Variants in TMC2 observed in about 807,000 individuals in gnomAD.
TMC2 encodes the protein transmembrane channel-like protein 2.
A neutral mutation model predicts 105.9 loss-of-function variants in TMC2; 102 were observed. The ratio of observed to expected loss-of-function variants is 0.96; its 90% CI spans 0.82 to 1.14. The LOEUF (loss-of-function observed/expected upper bound fraction) is 1.14. TMC2 is among the 50% of genes most tolerant of loss of function. The pLI is 0.00. For synonymous variants in TMC2, 402 were observed against 422.8 expected (o/e 0.95, Z 0.60); for missense variants, 1,093 against 1,134.3 (o/e 0.96, Z 0.52).
chr20:2,580,739 T>C (rs2422795), intron 7 of TMC2, among the ~76,000 whole-genome samples: 21,763 of 152,128 alleles, frequency 0.14, 2,127 homozygotes, highest in African/African-American at 0.27. Context: ...TAACCCACCA[T>C]ACCTGGCCCC....
intron 9 of TMC2, 148 bp from the exon 10 acceptor site, chr20:2,597,003 C>A: frequency 1.3e-6 from 1 of 798,896 alleles, no homozygotes; most frequent in Non-Finnish European, 1.9e-6. Context: ...GCTGTCTTGG[C>A]TCAAGTCCCT....
At chr20:2,539,738 C>A (rs180936942) in intron 2 of TMC2, among the ~76,000 whole-genome samples, 1 of 152,272 alleles carries the variant, frequency 6.6e-6, no homozygotes, top group African/African-American at 2.4e-5. Flanking sequence ...CAGAGCATTG[C>A]GCTGGAGCAT....
intron 10 of TMC2, among the ~76,000 whole-genome samples, chr20:2,600,986 G>GAAAAAAAAAAAAAAAAAA (rs55710696): frequency 1.1e-5 from 1 of 90,560 alleles, no homozygotes; most frequent in African/African-American, 4.3e-5. Context: ...GACTGTCTCA[G>GAAAAAAAAAAAAAAAAAA]AAAAAAAAAA....
intron 19 of TMC2, among the ~76,000 whole-genome samples, chr20:2,638,054 A>C (rs2086661171): frequency 6.6e-6 from 1 of 152,164 alleles, no homozygotes; most frequent in Non-Finnish European, 1.5e-5. Flanking sequence ...GTTATATAAA[A>C]GTCTAGGCCG....
chr20:2,624,198 G>A (rs2086547555), intron 16 of TMC2, 73 bp from the exon 17 acceptor site: 3 of 1,515,504 alleles, frequency 2.0e-6, no homozygotes, highest in Non-Finnish European at 2.7e-6. Flanking sequence ...CCTGGGTAGG[G>A]GGGCCATGGA....
chr20:2,596,911 GC>G (rs2086312153), intron 9 of TMC2, among the ~76,000 whole-genome samples: 1 of 152,028 alleles, frequency 6.6e-6, no homozygotes, highest in African/African-American at 2.4e-5. Flanking sequence ...TCTCCTGCAG[GC>G]TTTTTATTAC....
chr20:2,588,745 C>T (rs1234379742), intron 7 of TMC2, among the ~76,000 whole-genome samples: 2 of 136,612 alleles, frequency 1.5e-5, no homozygotes, highest in Non-Finnish European at 3.1e-5. Flanking sequence ...AGCCTTGTCT[C>T]TGTATTTCCA....
At chr20:2,548,922 T>C (rs73087311) in intron 2 of TMC2, among the ~76,000 whole-genome samples, 13,408 of 152,216 alleles carry the variant, frequency 0.088, 815 homozygotes, top group Middle Eastern at 0.18. Flanking sequence ...CATACTCAAG[T>C]AGAATAAAAA....
At chr20:2,584,342 G>T (rs1395652167) in intron 7 of TMC2, among the ~76,000 whole-genome samples, 1 of 142,810 alleles carries the variant, frequency 7.0e-6, no homozygotes. Context: ...TACTTGGGAG[G>T]CTGAGGCAGG....
Position 2,579,949 on chromosome 20 carries a change from G to A in TMC2, c.728-1G>A, listed in dbSNP as rs6050309. On this transcript the variant is annotated splice_acceptor_variant, in intron 6 of 19. Coordinates refer to ENST00000358864, the MANE Select transcript of TMC2 (RefSeq NM_080751.3). LOFTEE classifies it high-confidence loss of function. ...ATACCCACCGTCTTTTCTCTCTCTA[G>A]GTCACTTTGGTTCTTCAGTGGCATC... 1 of 1,610,410 alleles carries A rather than the reference G, an allele frequency of 6.2e-7. No individual in the cohort carries two copies. Among genetic ancestry groups the A allele is most frequent in the Non-Finnish European group, 8.5e-7 (1 of 1,176,834 alleles).
At chr20:2,580,591 G>GT (rs2086182306) in intron 7 of TMC2, among the ~76,000 whole-genome samples, 4 of 151,704 alleles carry the variant, frequency 2.6e-5, no homozygotes, top group African/African-American at 7.3e-5. Flanking sequence ...TTTTAAGGAG[G>GT]TTTTTTTTAG....
chr20:2,561,762 G>A, intron 3 of TMC2, 96 bp from the exon 4 acceptor site: 3 of 1,432,738 alleles, frequency 2.1e-6, no homozygotes, highest in Non-Finnish European at 2.8e-6. Context: ...AGGGGAAGGG[G>A]TGCCATCTTC....
intron 17 of TMC2, among the ~76,000 whole-genome samples, chr20:2,632,512 T>C (rs1237312664): frequency 6.6e-6 from 1 of 152,180 alleles, no homozygotes; most frequent in Non-Finnish European, 1.5e-5. Context: ...GAATGGTTTC[T>C]ATTGACTACT....
At chr20:2,546,416 G>A (rs2085926291) in intron 2 of TMC2, among the ~76,000 whole-genome samples, 1 of 151,624 alleles carries the variant, frequency 6.6e-6, no homozygotes, top group African/African-American at 2.4e-5. Flanking sequence ...AAGTCAGGGA[G>A]AGGATAGGAG....
chr20:2,569,590 A>G (rs73892490), intron 4 of TMC2, among the ~76,000 whole-genome samples: 19,272 of 152,230 alleles, frequency 0.13, 1,507 homozygotes, highest in African/African-American at 0.21. Context: ...ATTGGAACAT[A>G]ACCCCTTGTA....
At chr20:2,631,877 T>A (rs1026940341) in intron 17 of TMC2, among the ~76,000 whole-genome samples, 1 of 152,202 alleles carries the variant, frequency 6.6e-6, no homozygotes, top group African/African-American at 2.4e-5. Flanking sequence ...ACCCTTTCTG[T>A]CTTTCCTCTC....
At chr20:2,569,603 T>A (rs2086088876) in intron 4 of TMC2, among the ~76,000 whole-genome samples, 1 of 152,214 alleles carries the variant, frequency 6.6e-6, no homozygotes, top group Admixed American at 6.5e-5. Flanking sequence ...CCCTTGTACA[T>A]CAAGGAGCAT....
chr20:2,623,829 A>T (rs2086544490), intron 16 of TMC2, among the ~76,000 whole-genome samples: 1 of 152,190 alleles, frequency 6.6e-6, no homozygotes, highest in East Asian at 1.9e-4. Context: ...CTGAAGGTTA[A>T]TTCTAGGTAT....
intron 4 of TMC2, among the ~76,000 whole-genome samples, chr20:2,570,630 C>T (rs1257489918): frequency 6.7e-6 from 1 of 149,622 alleles, no homozygotes; most frequent in East Asian, 1.9e-4. Context: ...TGTCATTTTT[C>T]ACAGAAATAG....
Sources: allele counts gnomAD v4.1 joint callset (sites outside exome capture counted in the v4.1 genomes callset), GRCh38; gene constraint gnomAD v4.1.1; transcripts MANE v1.5; gene names NCBI Gene and HGNC (gene_info 2026-07-23, HGNC 2026-07-21).